The following APC2 variants were observed in gnomAD, a reference collection of about 807,000 sequenced individuals.
APC2 encodes the protein adenomatous polyposis coli protein 2.
In APC2, 41 loss-of-function variants were observed where a neutral mutation model predicts 72.5. That is an observed-to-expected ratio of 0.57 (90% CI 0.44 to 0.73). APC2 has a LOEUF of 0.73. Ranked by LOEUF, APC2 falls within the 30% of genes least tolerant of loss-of-function variation. The probability of loss-of-function intolerance (pLI) is 0.00; values close to 1 mark genes in which losing one functional copy is unlikely to be tolerated. For missense variants in APC2, 3,729 were observed against 3,403.4 expected, an observed-to-expected ratio of 1.10 and a Z score of -2.38; for synonymous variants, 1,898 against 1,612.0, an observed-to-expected ratio of 1.18 and a Z score of -4.25.
rs1490906589 is a variant in APC2, at chr19:1,468,042, T to C, written c.4741T>C (p.Ser1581Pro). 5.1e-6 allele frequency: 8 copies of C among 1,579,146 alleles called. No homozygotes were observed. Among genetic ancestry groups the C allele is most frequent in the Non-Finnish European group, 6.8e-6 (8 of 1,172,082 alleles). ...DETPPCYSLS[S>P]SASSLSEPEP... The stretch of plus-strand genomic sequence containing the variant: ...GACCCCGCCCTGCTACTCCCTGAGC[T>C]CCTCCGCCAGCTCCCTCAGCGAGCC... The change falls in exon 15 of 15, where the codon TCC becomes CCC. Residue 1581 changes from serine to proline, a missense_variant. Ser to Pro is a moderately conservative substitution (Grantham distance 74, BLOSUM62 -1). Coordinates refer to ENST00000590469, the MANE Select transcript of APC2 (RefSeq NM_005883.3).
Position 1,453,617 on chromosome 19 carries a change from T to C in APC2, c.413+6T>C, listed in dbSNP as rs753040116. 1 of 1,590,310 alleles carries C rather than the reference T, an allele frequency of 6.3e-7. No individual in the cohort carries two copies. The highest frequency in any genetic ancestry group is 1.8e-5 in the Admixed American group (1 of 55,794). On this transcript the variant is annotated splice_donor_region_variant and intron_variant, in intron 4 of 14. Transcript: ENST00000590469. The stretch of plus-strand genomic sequence containing the variant: ...GAGGAACTGGACCGGGAACGGTGAG[T>C]GGGCGTGGGAACCCAGCCTCGGGCA...
rs776173993 is a variant in APC2, at chr19:1,468,014, C to T, written c.4713C>T (p.Asp1571=). 1 of 1,586,212 alleles carries T rather than the reference C, an allele frequency of 6.3e-7. No individual in the cohort carries two copies. The highest frequency in any genetic ancestry group is 8.5e-7 in the Non-Finnish European group (1 of 1,174,892). Residue 1571 remains aspartate (D), a synonymous_variant, in exon 15 of 15, where the codon GAC becomes GAT. Transcript: ENST00000590469. ...PARTQPSLIA[D]ETPPCYSLSS... ...GGACCCAGCCCAGCCTCATTGCTGA[C>T]GAGACCCCGCCCTGCTACTCCCTGA...
intron 11 of APC2, 143 bp from the exon 12 acceptor site, chr19:1,460,637 C>A: frequency 1.0e-6 from 1 of 955,204 alleles, no homozygotes; most frequent in Non-Finnish European, 1.6e-6. Context: ...CCGACCTGAG[C>A]ATGGGGTAAC....
Position 1,456,032 on chromosome 19 carries a change from G to A in APC2, c.640-44G>A, listed in dbSNP as rs1019263452. On this transcript the variant is annotated intron_variant, in intron 6 of 14. Transcript: ENST00000590469. ...AGGGAGAGGCGGGGTCAGAGCCGGG[G>A]GCGGGGTCAGCTCCAGCACTTGCCC... 7.3e-6 allele frequency: 11 copies of A among 1,511,406 alleles called. No individual in the cohort carries two copies. The African/African-American group carries it at 1.5e-4, about 21-fold the overall frequency. 93.6% of individuals were successfully genotyped at this position (1,511,406 alleles called of 1,614,324 possible).
chr19:1,465,073 C>T, intron 14 of APC2, 82 bp from the exon 15 acceptor site: 4 of 1,481,560 alleles, frequency 2.7e-6, no homozygotes, highest in Non-Finnish European at 3.6e-6. Context: ...TTTACTTTTA[C>T]CTGCCACATC....
In APC2 at chr19:1,469,717, T is replaced by C. The variant is rs2084099569; in HGVS notation, c.6416T>C (p.Val2139Ala). Reference sequence around the variant, plus strand: ...GGGGAGCCCCGGCCGCTCCCCAGGGTGGCCGCGCCGGGCACGACCTGGCGG... The same window carrying C: ...GGGGAGCCCCGGCCGCTCCCCAGGGCGGCCGCGCCGGGCACGACCTGGCGG... Reference protein sequence around the residue: ...SDGEPRPLPRVAAPGTTWRRI... With the variant: ...SDGEPRPLPRAAAPGTTWRRI... Residue 2139 changes from valine (V) to alanine (A), a missense_variant, in exon 15 of 15, where the codon GTG becomes GCG. Transcript: ENST00000590469. 1 of 1,446,036 alleles carries C rather than the reference T, an allele frequency of 6.9e-7. No homozygotes were observed. The highest frequency in any genetic ancestry group is 9.0e-7 in the Non-Finnish European group (1 of 1,106,120). The allele number at this position is 1,446,036 out of a possible 1,614,324, so 89.6% of individuals were successfully genotyped here.
chr19:1,458,220 A>C, intron 10 of APC2, 160 bp downstream of exon 10: 1 of 668,058 alleles, frequency 1.5e-6, no homozygotes, highest in Non-Finnish European at 2.6e-6. Context: ...ACCTCTCATG[A>C]GTGGACCGTC....
At chr19:1,459,028 A>C (rs1371392629) in intron 10 of APC2, among the ~76,000 whole-genome samples, 1 of 151,668 alleles carries the variant, frequency 6.6e-6, no homozygotes, top group African/African-American at 2.4e-5. Context: ...TTTCCTGCTC[A>C]TCCTGTCCCC....
In APC2 at chr19:1,468,894, C is replaced by A. The variant is rs1438470151; in HGVS notation, c.5593C>A (p.Pro1865Thr). The change falls in exon 15 of 15, where the codon CCC becomes ACC. Residue 1865 changes from proline (P) to threonine (T), a missense_variant. Transcript: ENST00000590469. ...CCAGCCCCCCAGAAGCGCCACACCG[C>A]CCGCCCGCCTCGCCAAGACCCCCTC... ...LSQPPRSATP[P>T]ARLAKTPSSS... 2 of 1,521,644 alleles carry A rather than the reference C, an allele frequency of 1.3e-6. No individual in the cohort carries two copies. The highest frequency in any genetic ancestry group is 2.4e-5 in the South Asian group (2 of 81,712). 94.3% of individuals were successfully genotyped at this position (1,521,644 alleles called of 1,614,324 possible).
chr19:1,466,897 C>A lies in APC2; in HGVS notation c.3596C>A (p.Pro1199His). ...GGCACCATCAGCCCTAGCGAGCTGC[C>A]CGACAGCCCCGGACAGACCATGCCT... ...GSGTISPSEL[P>H]DSPGQTMPPS... is the part of the protein sequence containing the mutation. The change falls in exon 15 of 15, where the codon CCC (proline) becomes CAC (histidine). Residue 1199 changes from proline to histidine, a missense_variant. By Grantham distance (77) the Pro-to-His change is moderately conservative (BLOSUM62 -2). Transcript: ENST00000590469. The A allele has an allele frequency of 6.3e-7, 1 of 1,578,122 alleles. No individual in the cohort carries two copies. The highest frequency in any genetic ancestry group is 1.8e-5 in the Admixed American group (1 of 55,336).
At chr19:1,457,265 C>T in intron 9 of APC2, 22 bp downstream of exon 9, 1 of 1,495,882 alleles carries the variant, frequency 6.7e-7, no homozygotes, top group Non-Finnish European at 8.9e-7. Flanking sequence ...GCCTGGTGGG[C>T]CCCCTCCGCG....
At chr19:1,464,922 T>C (rs2145227811) in intron 14 of APC2, among the ~76,000 whole-genome samples, 2 of 149,482 alleles carry the variant, frequency 1.3e-5, no homozygotes, top group Admixed American at 1.3e-4. Flanking sequence ...TGTGATCCAC[T>C]GCACCCGGCC....
chr19:1,458,015 A>G lies in APC2; in HGVS notation c.1258A>G (p.Lys420Glu), dbSNP rs1299682427. 1.3e-6 allele frequency: 2 copies of G among 1,567,548 alleles called. No homozygotes were observed. The highest frequency in any genetic ancestry group is 1.7e-6 in the Non-Finnish European group (2 of 1,155,170). ...CTGCCAGGCCACCTGTGCTGTTATG[A>G]AGCTGTCCTTTGATGAGGAGTACCG... is the stretch of plus-strand genomic sequence containing the variant. Reference protein sequence around the residue: ...QICQATCAVMKLSFDEEYRRA... With the variant: ...QICQATCAVMELSFDEEYRRA... The change falls in exon 10 of 15, where the codon AAG becomes GAG. Residue 420 changes from lysine to glutamate, a missense_variant. Coordinates refer to ENST00000590469, the MANE Select transcript of APC2 (RefSeq NM_005883.3).
At chr19:1,457,684 C>G in intron 9 of APC2, 1 of 538,864 alleles carries the variant, frequency 1.9e-6, no homozygotes, top group Non-Finnish European at 3.4e-6. Flanking sequence ...GACAACAGAG[C>G]GAGACCCTGT....
chr19:1,456,783 G>T, intron 8 of APC2, 70 bp from the exon 9 acceptor site: 1 of 1,523,734 alleles, frequency 6.6e-7, no homozygotes, highest in Non-Finnish European at 8.8e-7. Flanking sequence ...GGGTCACAGG[G>T]CTCCGACCGG....
chr19:1,453,655 C>T, intron 4 of APC2, 44 bp downstream of exon 4: 1 of 1,558,504 alleles, frequency 6.4e-7, no homozygotes, highest in East Asian at 2.4e-5. Context: ...TGGAGCATGA[C>T]TCGGTCCCCA....
chr19:1,466,048 A>G lies in APC2; in HGVS notation c.2747A>G (p.Lys916Arg). 6.7e-7 allele frequency: 1 copy of G among 1,502,994 alleles called. No homozygotes were observed. The highest frequency in any genetic ancestry group is 8.8e-7 in the Non-Finnish European group (1 of 1,137,322). 93.1% of individuals were successfully genotyped at this position (1,502,994 alleles called of 1,614,324 possible). Reference sequence around the variant, plus strand: ...CGGGCGCACCCGCTGCTGCGGCTCAAGGCGGCCCACGCCAGCCTCTCCAAC... The same window carrying G: ...CGGGCGCACCCGCTGCTGCGGCTCAGGGCGGCCCACGCCAGCCTCTCCAAC... ...GSRAHPLLRL[K>R]AAHASLSNDS... Residue 916 changes from lysine (K) to arginine (R), a missense_variant, in exon 15 of 15, where the codon AAG becomes AGG. Lys to Arg is a conservative substitution (Grantham distance 26). Coordinates refer to ENST00000590469, the MANE Select transcript of APC2 (RefSeq NM_005883.3).
intron 10 of APC2, chr19:1,458,266 C>CCCCATGAG (rs1239686126): frequency 1.7e-6 from 1 of 597,010 alleles, no homozygotes; most frequent in African/African-American, 1.9e-5. Flanking sequence ...CTGCGTGTGG[C>CCCCATGAG]CTCCCGATCT....
rs1200559685 is a variant in APC2 at position 1,466,690 on chromosome 19, G to T, written c.3389G>T (p.Arg1130Leu). 3.3e-6 allele frequency: 5 copies of T among 1,515,550 alleles called. No individual in the cohort carries two copies. The African/African-American group carries it at 5.5e-5, about 17-fold the overall frequency. 93.9% of individuals were successfully genotyped at this position (1,515,550 alleles called of 1,614,324 possible). ...TSLPVAIPAP[R>L]RNRGRGLGVE... ...CTGCCCGTAGCCATTCCGGCTCCCCGGCGTAACCGAGGCCGGGGCCTGGGG... is the reference window on the plus strand; with the variant it reads ...CTGCCCGTAGCCATTCCGGCTCCCCTGCGTAACCGAGGCCGGGGCCTGGGG... The change falls in exon 15 of 15, where the codon CGG becomes CTG. Residue 1130 changes from arginine to leucine, a missense_variant. Transcript: ENST00000590469.
Sources: gnomAD v4.1 joint callset for allele counts (sites outside exome capture counted in the v4.1 genomes callset) on GRCh38, gnomAD v4.1.1 for gene constraint, MANE v1.5 for transcripts, NCBI Gene and HGNC (gene_info 2026-07-23, HGNC 2026-07-21) for gene names.